SGCD: variants seen among roughly 807,000 people sequenced by gnomAD.
SGCD encodes sarcoglycan delta.
SGCD carries 18 observed loss-of-function variants against 36.6 expected under a neutral mutation model. That is an observed-to-expected ratio of 0.49 (90% CI 0.34 to 0.73). The LOEUF (loss-of-function observed/expected upper bound fraction) is 0.73, where lower values mean the gene tolerates loss of function less well. Ranked by LOEUF, SGCD falls within the 30% of genes least tolerant of loss-of-function variation. The pLI is 0.01. For synonymous variants in SGCD, 133 were observed against 130.6 expected, an observed-to-expected ratio of 1.02 and a Z score of -0.12; for missense variants, 387 against 346.7, an observed-to-expected ratio of 1.12 and a Z score of -0.92.
chr5:156,612,540 A>G (rs1322365636), intron 6 of SGCD, among the ~76,000 whole-genome samples: 1 of 152,246 alleles, frequency 6.6e-6, no homozygotes, highest in Non-Finnish European at 1.5e-5. Context: ...ATGTGCAGGT[A>G]CAGCAAGTCA....
intron 2 of SGCD, among the ~76,000 whole-genome samples, chr5:156,332,159 T>C (rs964082320): frequency 2.0e-5 from 3 of 152,264 alleles, no homozygotes; most frequent in Admixed American, 6.5e-5. Context: ...CTTCAAAAGT[T>C]TGCGTCCCCA....
chr5:156,580,225 A>T (rs183406703), intron 4 of SGCD, among the ~76,000 whole-genome samples: 1,633 of 152,304 alleles, frequency 0.011, 18 homozygotes, highest in Non-Finnish European at 0.016. Flanking sequence ...TTTCTTTAAG[A>T]ATGCTGAATA....
intron 3 of SGCD, among the ~76,000 whole-genome samples, chr5:156,464,620 C>A (rs1325683133): frequency 6.6e-6 from 1 of 152,042 alleles, no homozygotes; most frequent in South Asian, 2.1e-4. Flanking sequence ...TCTTAGAGAC[C>A]CTTGTTGAAA....
intron 3 of SGCD, among the ~76,000 whole-genome samples, chr5:156,154,893 G>C (rs10078189): frequency 6.6e-6 from 1 of 151,466 alleles, no homozygotes; most frequent in Non-Finnish European, 1.5e-5. Flanking sequence ...TCCTTTTCCT[G>C]TTCCCTGACT....
In SGCD at chr5:156,387,977, G is replaced by A. The variant is rs956998676; in HGVS notation, c.192+43300G>A. 4.9e-4 allele frequency among the ~76,000 whole-genome samples: 75 copies of A among 152,286 alleles called. 1 individual carries two copies. Among genetic ancestry groups the A allele is most frequent in the African/African-American group, 1.7e-3 (70 of 41,558 alleles). On this transcript the variant is annotated intron_variant, in intron 3 of 8. Transcript: ENST00000337851. The stretch of plus-strand genomic sequence containing the variant: ...CTATTTCAACTCTTCATCTCAGAGA[G>A]GGAGAGAGATTCTAAGTAAGACTCA...
intron 4 of SGCD, among the ~76,000 whole-genome samples, chr5:156,534,573 A>T (rs1431202531): frequency 6.6e-6 from 1 of 152,166 alleles, no homozygotes; most frequent in Non-Finnish European, 1.5e-5. Context: ...TTCCGTGGAT[A>T]TCTTCCTTCC....
the SGCD span, among the ~76,000 whole-genome samples, chr5:155,759,986 G>A: frequency 6.6e-6 from 1 of 151,676 alleles, no homozygotes. Flanking sequence ...GCAACTTCCA[G>A]GAACAGATCC....
chr5:156,032,214 T>C (rs767052957), intron 1 of SGCD, among the ~76,000 whole-genome samples: 7 of 152,212 alleles, frequency 4.6e-5, no homozygotes, highest in Non-Finnish European at 7.3e-5. Flanking sequence ...TCAATGTTAA[T>C]GGTGATTTGT....
At chr5:156,470,504 C>G (rs937496676) in intron 3 of SGCD, among the ~76,000 whole-genome samples, 6 of 151,966 alleles carry the variant, frequency 3.9e-5, no homozygotes, top group Non-Finnish European at 8.8e-5. Context: ...TACCCCCACC[C>G]CACCACAGTC....
chr5:156,713,636 T>A (rs938452720), intron 7 of SGCD, among the ~76,000 whole-genome samples: 3 of 152,222 alleles, frequency 2.0e-5, no homozygotes, highest in Admixed American at 1.3e-4. Context: ...TCTGTTTGCA[T>A]CTGTTGTTTA....
intron 3 of SGCD, among the ~76,000 whole-genome samples, chr5:156,422,910 C>T (rs1041684081): frequency 2.0e-5 from 3 of 151,440 alleles, no homozygotes; most frequent in Non-Finnish European, 2.9e-5. Context: ...GCTAGGATCA[C>T]GAAAGGAAAT....
intron 1 of SGCD, among the ~76,000 whole-genome samples, chr5:156,044,925 C>A (rs184061357): frequency 5.9e-5 from 9 of 152,172 alleles, no homozygotes; most frequent in Admixed American, 5.2e-4. Context: ...GCTACTATAA[C>A]AGAATACCAC....
intron 1 of SGCD, among the ~76,000 whole-genome samples, chr5:156,048,093 A>G (rs1222006750): frequency 6.6e-6 from 1 of 152,008 alleles, no homozygotes; most frequent in Non-Finnish European, 1.5e-5. Context: ...TGCCCTTGCA[A>G]TTGTTTGCTG....
intron 7 of SGCD, among the ~76,000 whole-genome samples, chr5:156,745,838 A>G (rs983247671): frequency 9.2e-5 from 14 of 152,302 alleles, no homozygotes; most frequent in African/African-American, 3.4e-4. Flanking sequence ...CAATATGAAC[A>G]TATATCTGAA....
At chr5:156,632,982 A>G (rs369083252) in intron 6 of SGCD, among the ~76,000 whole-genome samples, 2 of 134,638 alleles carry the variant, frequency 1.5e-5, no homozygotes, top group East Asian at 2.2e-4. Context: ...AGCAATTTAT[A>G]TACGTTCAGT....
chr5:156,757,049 T>C (rs1241152482), intron 7 of SGCD, among the ~76,000 whole-genome samples: 6 of 151,900 alleles, frequency 3.9e-5, no homozygotes, highest in African/African-American at 9.7e-5. Context: ...CTTTAAGAGA[T>C]TTTAGAAAGG....
At chr5:156,454,474 T>C (rs1204899879) in intron 3 of SGCD, among the ~76,000 whole-genome samples, 2 of 152,320 alleles carry the variant, frequency 1.3e-5, no homozygotes, top group African/African-American at 4.8e-5. Context: ...GATTTATACT[T>C]TGTTGGAGAC....
Position 156,175,397 on chromosome 5 carries a change from C to T in SGCD, c.-44+51378C>T, listed in dbSNP as rs889149865. Reference sequence around the variant, plus strand: ...ATTTGCCTGGCTCTTATTTTGTGAGCGCACTCTACTTAGAAAAAAAAAATA... The same window carrying T: ...ATTTGCCTGGCTCTTATTTTGTGAGTGCACTCTACTTAGAAAAAAAAAATA... On this transcript the variant is annotated intron_variant, in intron 3 of 9. Transcript: ENST00000517913. 9.6e-5 allele frequency among the ~76,000 whole-genome samples: 14 copies of T among 146,548 alleles called. No individual in the cohort carries two copies. In the East Asian group the frequency reaches 2.1e-3, roughly 22 times the overall value.
intron 3 of SGCD, among the ~76,000 whole-genome samples, chr5:156,135,437 C>T (rs1028652387): frequency 5.3e-5 from 8 of 152,190 alleles, no homozygotes; most frequent in Non-Finnish European, 7.3e-5. Context: ...CCCCTCTTCC[C>T]TGTAGCCTTA....
Sources: gnomAD v4.1 joint callset for allele counts (sites outside exome capture counted in the v4.1 genomes callset) on GRCh38, gnomAD v4.1.1 for gene constraint, MANE v1.5 for transcripts, NCBI Gene and HGNC (gene_info 2026-07-23, HGNC 2026-07-21) for gene names.